Variants in KCNMA1 observed in about 807,000 individuals in gnomAD.
KCNMA1 encodes Calcium-activated potassium channel subunit alpha-1.
KCNMA1 carries 29 observed loss-of-function variants against 140.0 expected under a neutral mutation model. The observed-to-expected ratio is 0.21, with a 90% CI of 0.15 to 0.28. KCNMA1 has a LOEUF of 0.28. KCNMA1 is among the 10% of genes least tolerant of loss of function. KCNMA1 has a pLI of 1.00. For synonymous variants in KCNMA1, 612 were observed against 611.9 expected, an observed-to-expected ratio of 1.00 and a Z score of 0.00; for missense variants, 880 against 1,602.2, an observed-to-expected ratio of 0.55 and a Z score of 7.70.
At chr10:77,437,230 A>G (rs2097284170) in intron 1 of KCNMA1, among the ~76,000 whole-genome samples, 1 of 152,208 alleles carries the variant, frequency 6.6e-6, no homozygotes, top group Non-Finnish European at 1.5e-5. Context: ...GAAGGATTGT[A>G]GTACCTGGTG....
chr10:77,626,797 G>A (rs1015765164), intron 1 of KCNMA1, among the ~76,000 whole-genome samples: 10 of 152,242 alleles, frequency 6.6e-5, no homozygotes, highest in Admixed American at 3.9e-4. Context: ...TTTTCCAAAC[G>A]TGAACTCATT....
chr10:77,351,406 A>AT (rs2092864341), intron 2 of KCNMA1, among the ~76,000 whole-genome samples: 1 of 152,168 alleles, frequency 6.6e-6, no homozygotes. Flanking sequence ...ACTCCAGCCT[A>AT]TTTGGTAAGC....
chr10:77,141,488 A>G lies in KCNMA1; in HGVS notation c.809-20440T>C, dbSNP rs184589067. 3.5e-3 allele frequency among the ~76,000 whole-genome samples: 536 copies of G among 152,342 alleles called. 2 individuals carry two copies. The highest frequency in any genetic ancestry group is 0.013 in the African/African-American group (522 of 41,588). ...AGTTTGCTCTTTCTCCCTCTCTGCC[A>G]TGTCAGGACACAGTGAGAGGGCAGC... is the stretch of plus-strand genomic sequence containing the variant. On this transcript the variant is annotated intron_variant, in intron 5 of 27. Coordinates refer to ENST00000286628, the MANE Select transcript of KCNMA1 (RefSeq NM_001161352.2).
chr10:77,512,015 G>A (rs1036898273), intron 1 of KCNMA1, among the ~76,000 whole-genome samples: 1 of 152,306 alleles, frequency 6.6e-6, no homozygotes, highest in Non-Finnish European at 1.5e-5. Context: ...CAGCCTGGAT[G>A]TTTGATAAAT....
At chr10:77,602,125 T>C (rs2082849162) in intron 1 of KCNMA1, among the ~76,000 whole-genome samples, 2 of 152,236 alleles carry the variant, frequency 1.3e-5, no homozygotes, top group South Asian at 4.1e-4. Context: ...CACCAATGCC[T>C]GACAGCAAAA....
chr10:77,176,453 A>G (rs528702398), intron 5 of KCNMA1, among the ~76,000 whole-genome samples: 1 of 152,256 alleles, frequency 6.6e-6, no homozygotes, highest in African/African-American at 2.4e-5. Flanking sequence ...ACCTGTTCCC[A>G]TGAAAAGAAA....
chr10:77,083,501 T>TA (rs35527205), intron 12 of KCNMA1, among the ~76,000 whole-genome samples: 5,783 of 91,268 alleles, frequency 0.063, 163 homozygotes, highest in African/African-American at 0.081. Flanking sequence ...AGATGTTCTG[T>TA]AAAAAAAAAA....
At chr10:76,957,099 G>A (rs1591905373) in intron 20 of KCNMA1, among the ~76,000 whole-genome samples, 1 of 126,630 alleles carries the variant, frequency 7.9e-6, no homozygotes. Context: ...CTACATTCCA[G>A]CCTGGGCAAC....
At chr10:76,877,975 T>C (rs564793377) in intron 29 of KCNMA1, 3 of 1,365,786 alleles carry the variant, frequency 2.2e-6, no homozygotes, top group Admixed American at 2.0e-5. Flanking sequence ...GGAAAGTTCA[T>C]TGAAAAACGC....
At chr10:77,531,578 GC>G (rs1478300723) in intron 1 of KCNMA1, among the ~76,000 whole-genome samples, 1 of 152,216 alleles carries the variant, frequency 6.6e-6, no homozygotes, top group Non-Finnish European at 1.5e-5. Context: ...AGGGACTCCG[GC>G]TGTGCATGTG....
chr10:76,893,648 G>C (rs114885118), intron 25 of KCNMA1, among the ~76,000 whole-genome samples: 2,150 of 152,282 alleles, frequency 0.014, 45 homozygotes, highest in African/African-American at 0.045. Context: ...GCTGAGGCCA[G>C]AGAATTACTT....
intron 19 of KCNMA1, among the ~76,000 whole-genome samples, chr10:76,976,984 A>T (rs973245059): frequency 6.6e-6 from 1 of 152,154 alleles, no homozygotes; most frequent in Non-Finnish European, 1.5e-5. Flanking sequence ...GAGATGGGAG[A>T]TAATTTTTAC....
intron 11 of KCNMA1, among the ~76,000 whole-genome samples, chr10:77,084,944 T>A (rs940644098): frequency 1.3e-5 from 2 of 152,182 alleles, no homozygotes; most frequent in Admixed American, 1.3e-4. Context: ...AACATGTACC[T>A]TGGTAATTAT....
intron 19 of KCNMA1, among the ~76,000 whole-genome samples, chr10:76,981,973 G>A (rs1565349065): frequency 6.6e-6 from 1 of 152,116 alleles, no homozygotes; most frequent in African/African-American, 2.4e-5. Context: ...GGAGCCCCGG[G>A]GTTCTAGGCC....
chr10:77,108,708 A>T lies in KCNMA1; in HGVS notation c.1132-136T>A, dbSNP rs2097252192. ...GCAAAGGTATATATTGATATGTTGG[A>T]TCATAAAAAACTAAAAGCACGAAGA... On this transcript the variant is annotated intron_variant, in intron 8 of 27. Coordinates refer to ENST00000286628, the MANE Select transcript of KCNMA1 (RefSeq NM_001161352.2). The surrounding 1 kb of genome is among the most constrained non-coding windows in gnomAD (Gnocchi z 4.6). 5 of 700,244 alleles carry T rather than the reference A, an allele frequency of 7.1e-6. No individual in the cohort carries two copies. The highest frequency in any genetic ancestry group is 1.3e-5 in the Non-Finnish European group (5 of 399,360). The allele number at this position is 700,244 out of a possible 1,614,324, so 43.4% of individuals were successfully genotyped here. A position where few individuals can be genotyped will look rare whatever the true frequency, so the allele number is the denominator to read the frequency against.
rs778348914 is a variant in KCNMA1, at chr10:77,403,762, C to T, written c.540+100G>A. 788 of 1,237,202 alleles carry T rather than the reference C, an allele frequency of 6.4e-4. 3 individuals carry two copies. Among genetic ancestry groups the T allele is most frequent in the Non-Finnish European group, 4.4e-4 (390 of 888,340 alleles). The allele number at this position is 1,237,202 out of a possible 1,614,324, so 76.6% of individuals were successfully genotyped here. A position where few individuals can be genotyped will look rare whatever the true frequency, so the allele number is the denominator to read the frequency against. On this transcript the variant is annotated intron_variant, in intron 2 of 27. Transcript: ENST00000286628. ...CTCACCCCCACCTCCCAATAGCCAG[C>T]CTCCTGCAGAAGACCCTGGGGAATA... is the stretch of plus-strand genomic sequence containing the variant.
At chr10:77,634,065 C>T (rs1442519545) in intron 1 of KCNMA1, 4 of 748,914 alleles carry the variant, frequency 5.3e-6, no homozygotes, top group Admixed American at 6.3e-5. Flanking sequence ...GAATTCAATC[C>T]CCACATTTTA....
At chr10:77,368,955 A>C (rs746432088) in intron 2 of KCNMA1, among the ~76,000 whole-genome samples, 15 of 152,188 alleles carry the variant, frequency 9.9e-5, no homozygotes, top group Non-Finnish European at 1.5e-4. Context: ...CAAGTGTTAA[A>C]ATCAGGTAGG....
intron 24 of KCNMA1, chr10:76,914,536 A>G: frequency 3.0e-6 from 1 of 332,572 alleles, no homozygotes; most frequent in Non-Finnish European, 5.6e-6. Context: ...GGCTTTGTAT[A>G]TCAGTGGAGG....
Sources: allele counts gnomAD v4.1 joint callset (sites outside exome capture counted in the v4.1 genomes callset), GRCh38; gene constraint gnomAD v4.1.1; non-coding constraint Gnocchi (gnomAD v3.1); transcripts MANE v1.5; gene names NCBI Gene and HGNC (gene_info 2026-07-23, HGNC 2026-07-21).